The following PPFIA2 variants were observed in gnomAD, a reference collection of about 807,000 sequenced individuals.
PPFIA2 encodes liprin-alpha-2.
A neutral mutation model predicts 175.5 loss-of-function variants in PPFIA2; 46 were observed. The ratio of observed to expected loss-of-function variants is 0.26; its 90% CI spans 0.21 to 0.34. The LOEUF (loss-of-function observed/expected upper bound fraction) is 0.34. PPFIA2 is among the 10% of genes least tolerant of loss of function. PPFIA2 has a pLI of 1.00. For synonymous variants in PPFIA2, 568 were observed against 511.4 expected (o/e 1.11, Z -1.49); for missense variants, 1,179 against 1,506.1 (o/e 0.78, Z 3.60).
At chr12:81,381,928 A>G (rs2037806125) in intron 9 of PPFIA2, among the ~76,000 whole-genome samples, 1 of 152,100 alleles carries the variant, frequency 6.6e-6, no homozygotes, top group Non-Finnish European at 1.5e-5. Context: ...CCTATTATAC[A>G]ATCAATAGCT....
At chr12:81,495,059 A>G (rs1346099814) in intron 4 of PPFIA2, among the ~76,000 whole-genome samples, 3 of 151,872 alleles carry the variant, frequency 2.0e-5, no homozygotes, top group Admixed American at 6.6e-5. Flanking sequence ...TAACCTGCAC[A>G]TTGTGCACAT....
intron 21 of PPFIA2, among the ~76,000 whole-genome samples, chr12:81,331,672 T>C (rs1414605685): frequency 1.3e-5 from 2 of 152,222 alleles, no homozygotes; most frequent in African/African-American, 4.8e-5. Context: ...AACCTAATAA[T>C]ATATGCATTT....
chr12:81,719,476 G>A (rs938713263), intron 3 of PPFIA2, among the ~76,000 whole-genome samples: 22 of 151,382 alleles, frequency 1.5e-4, no homozygotes, highest in African/African-American at 5.1e-4. Flanking sequence ...TACCCCTGAC[G>A]GAGGAGATGT....
chr12:81,284,657 T>C (rs932143147), intron 24 of PPFIA2, among the ~76,000 whole-genome samples: 2 of 152,180 alleles, frequency 1.3e-5, no homozygotes, highest in African/African-American at 2.4e-5. Context: ...ATTTGAACTG[T>C]AGAATAATGT....
intron 8 of PPFIA2, among the ~76,000 whole-genome samples, chr12:81,400,488 T>C (rs897476604): frequency 6.6e-6 from 1 of 152,210 alleles, no homozygotes; most frequent in Non-Finnish European, 1.5e-5. Context: ...CTGAGGATTA[T>C]TCTTGCCACT....
intron 3 of PPFIA2, among the ~76,000 whole-genome samples, chr12:81,744,074 C>A (rs1389883487): frequency 1.3e-5 from 2 of 152,046 alleles, no homozygotes; most frequent in Admixed American, 1.3e-4. Context: ...ATAGTAAATT[C>A]TTTTGTATGT....
chr12:81,728,557 T>C (rs920975223), intron 3 of PPFIA2, among the ~76,000 whole-genome samples: 9 of 151,432 alleles, frequency 5.9e-5, no homozygotes, highest in South Asian at 2.1e-4. Context: ...GCTTCTATTA[T>C]CTAAATTTTA....
intron 4 of PPFIA2, among the ~76,000 whole-genome samples, chr12:81,498,108 G>T (rs1173476254): frequency 6.6e-6 from 1 of 152,130 alleles, no homozygotes; most frequent in Non-Finnish European, 1.5e-5. Context: ...GTCTGTCACA[G>T]ATTTTTTTCT....
chr12:81,607,644 T>C (rs1030180017), intron 4 of PPFIA2, among the ~76,000 whole-genome samples: 23 of 152,284 alleles, frequency 1.5e-4, no homozygotes, highest in Non-Finnish European at 3.1e-4. Flanking sequence ...TAACATTGAT[T>C]TTGTATCCTG....
At chr12:81,480,844 C>T (rs1350351222) in intron 4 of PPFIA2, among the ~76,000 whole-genome samples, 2 of 152,094 alleles carry the variant, frequency 1.3e-5, no homozygotes, top group African/African-American at 2.4e-5. Flanking sequence ...GAGGTGTGTC[C>T]TCTCTTACCA....
At chr12:81,689,701 A>T (rs566020912) in intron 3 of PPFIA2, among the ~76,000 whole-genome samples, 2 of 152,218 alleles carry the variant, frequency 1.3e-5, no homozygotes, top group South Asian at 4.1e-4. Context: ...TTTAAAGTTT[A>T]TAATATTCTT....
At chr12:81,402,121 G>T (rs2042188045) in intron 8 of PPFIA2, among the ~76,000 whole-genome samples, 1 of 151,924 alleles carries the variant, frequency 6.6e-6, no homozygotes, top group South Asian at 2.1e-4. Context: ...CACCCTGACT[G>T]TGTAACTTAA....
intron 16 of PPFIA2, among the ~76,000 whole-genome samples, chr12:81,355,597 C>A (rs1462132891): frequency 6.6e-6 from 1 of 152,182 alleles, no homozygotes; most frequent in Non-Finnish European, 1.5e-5. Flanking sequence ...GTGTAGTCAT[C>A]CTCATGAATT....
chr12:81,414,698 C>T (rs1316025164), intron 7 of PPFIA2, among the ~76,000 whole-genome samples: 1 of 151,556 alleles, frequency 6.6e-6, no homozygotes, highest in Non-Finnish European at 1.5e-5. Context: ...TGCTTCTACA[C>T]AGATACTTAT....
intron 15 of PPFIA2, among the ~76,000 whole-genome samples, chr12:81,359,939 T>TTTCATACAGCTG (rs1333026292): frequency 1.3e-5 from 2 of 151,966 alleles, no homozygotes; most frequent in Admixed American, 1.3e-4. Flanking sequence ...CTGCCTAGCT[T>TTTCATACAGCTG]TTCATACAGC....
At chr12:81,277,205 A>ATACT in intron 28 of PPFIA2, 112 bp downstream of exon 28, 3 of 840,932 alleles carry the variant, frequency 3.6e-6, no homozygotes, top group Non-Finnish European at 5.0e-6. Context: ...TTCTAGCCAA[A>ATACT]TACTTATGCT....
intron 4 of PPFIA2, among the ~76,000 whole-genome samples, chr12:81,593,686 G>A (rs1019334190): frequency 6.6e-6 from 1 of 152,194 alleles, no homozygotes; most frequent in Non-Finnish European, 1.5e-5. Flanking sequence ...GCTTCACAGA[G>A]GAGGTAGCAT....
intron 4 of PPFIA2, among the ~76,000 whole-genome samples, chr12:81,526,083 T>A (rs970123662): frequency 2.6e-5 from 4 of 152,136 alleles, no homozygotes; most frequent in African/African-American, 9.7e-5. Context: ...ACTTAGATAT[T>A]AGACTAGGTA....
chr12:81,344,611 C>A lies in PPFIA2; in HGVS notation c.2262+53G>T, dbSNP rs999855043. 8.5e-6 allele frequency: 11 copies of A among 1,287,986 alleles called. No individual in the cohort carries two copies. In the Admixed American group the frequency reaches 2.3e-4, roughly 27 times the overall value. The allele number at this position is 1,287,986 out of a possible 1,614,324, so 79.8% of individuals were successfully genotyped here. ...AGAGGGAATATTATTTTAAAGCTTT[C>A]ATAGAATAAAACAGTATTCAATTCG... On this transcript the variant is annotated intron_variant, in intron 19 of 32. Transcript: ENST00000549396.
Sources: gnomAD v4.1 joint callset for allele counts (sites outside exome capture counted in the v4.1 genomes callset) on GRCh38, gnomAD v4.1.1 for gene constraint, MANE v1.5 for transcripts, NCBI Gene and HGNC (gene_info 2026-07-23, HGNC 2026-07-21) for gene names.